ITGAM: variants seen among roughly 807,000 people sequenced by gnomAD.
The protein encoded by ITGAM is integrin subunit alpha M.
In ITGAM, 79 loss-of-function variants were observed where a neutral mutation model predicts 137.5. The observed-to-expected ratio is 0.57, with a 90% CI of 0.48 to 0.69. ITGAM has a LOEUF of 0.69. ITGAM is among the 30% of genes least tolerant of loss of function. ITGAM has a pLI of 0.00. For synonymous variants in ITGAM, 583 were observed against 592.3 expected (o/e 0.98, Z 0.23); for missense variants, 1,343 against 1,483.5 (o/e 0.91, Z 1.56).
At chr16:31,270,791 A>T (rs2079830686) in intron 5 of ITGAM, among the ~76,000 whole-genome samples, 163 bp from the exon 6 acceptor site, 1 of 140,402 alleles carries the variant, frequency 7.1e-6, no homozygotes, top group Non-Finnish European at 1.5e-5. Context: ...CACGTTAAAA[A>T]TTATATATAT....
At chr16:31,313,016 A>C (rs1034290882) in intron 14 of ITGAM, among the ~76,000 whole-genome samples, 9 of 151,744 alleles carry the variant, frequency 5.9e-5, no homozygotes, top group Admixed American at 5.9e-4. Context: ...TCAGGAGTTC[A>C]AGACCAGCCT....
chr16:31,262,330 C>A (rs1441300977), intron 2 of ITGAM, among the ~76,000 whole-genome samples: 1 of 118,770 alleles, frequency 8.4e-6, no homozygotes, highest in Non-Finnish European at 1.8e-5. Flanking sequence ...TCCCTTCCCT[C>A]CCTTCCATCC....
At chr16:31,296,371 C>T (rs1481121643) in intron 12 of ITGAM, among the ~76,000 whole-genome samples, 2 of 151,928 alleles carry the variant, frequency 1.3e-5, no homozygotes, top group Non-Finnish European at 1.5e-5. Context: ...CCCTGGCCTC[C>T]CAAAATGCTG....
At chr16:31,269,683 C>G (rs1036740648) in intron 5 of ITGAM, among the ~76,000 whole-genome samples, 13 of 152,148 alleles carry the variant, frequency 8.5e-5, no homozygotes, top group African/African-American at 3.1e-4. Context: ...ACTTTCCAAG[C>G]CCTGGGCAAG....
chr16:31,305,704 G>C (rs73534428), intron 14 of ITGAM, among the ~76,000 whole-genome samples: 1 of 152,016 alleles, frequency 6.6e-6, no homozygotes, highest in Non-Finnish European at 1.5e-5. Flanking sequence ...TGCTTGTTCT[G>C]CATCTATTGA....
chr16:31,290,561 G>A (rs910287793), intron 12 of ITGAM, among the ~76,000 whole-genome samples: 3 of 151,952 alleles, frequency 2.0e-5, no homozygotes, highest in Admixed American at 6.6e-5. Context: ...ACTCTCAGCC[G>A]ACTAGGAACT....
Position 31,325,390 on chromosome 16 carries a change from G to C in ITGAM, c.2491G>C (p.Val831Leu), listed in dbSNP as rs772386063. The C allele has an allele frequency of 5.6e-6, 9 of 1,613,300 alleles. No homozygotes were observed. The highest frequency in any genetic ancestry group is 1.1e-5 in the South Asian group (1 of 91,010). Residue 831 changes from valine to leucine, a missense_variant, in exon 20 of 30, where the codon GTG becomes CTG. By Grantham distance (32) the Val-to-Leu change is conservative. Coordinates refer to ENST00000544665, the MANE Select transcript of ITGAM (RefSeq NM_000632.4). Reference protein sequence around the residue: ...FFPLDLSYRKVSTLQNQRSQR... With the variant: ...FFPLDLSYRKLSTLQNQRSQR... ...CCCGCTTGACCTGTCCTACCGGAAG[G>C]TGTCCACGCTCCAGGTAGCCACATC...
intron 12 of ITGAM, among the ~76,000 whole-genome samples, chr16:31,286,172 T>C (rs527884335): frequency 2.0e-5 from 3 of 147,830 alleles, no homozygotes; most frequent in Admixed American, 2.0e-4. Context: ...CCGCAAAGGA[T>C]GTGATTCATT....
chr16:31,271,742 G>A, intron 6 of ITGAM, 105 bp from the exon 7 acceptor site: 2 of 1,384,356 alleles, frequency 1.4e-6, no homozygotes, highest in East Asian at 2.5e-5. Context: ...GCACAGAGGA[G>A]GAATTTGGAG....
chr16:31,306,318 A>G (rs556671456), intron 14 of ITGAM, among the ~76,000 whole-genome samples: 1 of 152,142 alleles, frequency 6.6e-6, no homozygotes, highest in Non-Finnish European at 1.5e-5. Flanking sequence ...AACGATGATA[A>G]TTTAAAACTT....
chr16:31,321,025 T>A (rs953097509), intron 14 of ITGAM, among the ~76,000 whole-genome samples: 13 of 152,086 alleles, frequency 8.5e-5, no homozygotes, highest in East Asian at 1.9e-4. Flanking sequence ...AAAGTTTTTT[T>A]AAAAAAGAAA....
At chr16:31,274,867 G>C (rs1173373310) in intron 8 of ITGAM, among the ~76,000 whole-genome samples, 1 of 152,146 alleles carries the variant, frequency 6.6e-6, no homozygotes, top group Admixed American at 6.5e-5. Flanking sequence ...TGATCTGCCC[G>C]CCTTGGCCTT....
intron 14 of ITGAM, among the ~76,000 whole-genome samples, chr16:31,299,819 CT>C (rs1337831705): frequency 7.3e-6 from 1 of 136,162 alleles, no homozygotes; most frequent in Non-Finnish European, 1.6e-5. Context: ...CCTCCTCCCC[CT>C]CCTCCCCCTC....
At chr16:31,267,203 A>C (rs1199756350) in intron 5 of ITGAM, among the ~76,000 whole-genome samples, 7 of 152,000 alleles carry the variant, frequency 4.6e-5, no homozygotes, top group Non-Finnish European at 8.8e-5. Flanking sequence ...TGGATCTTTC[A>C]AGCTGCTTTT....
chr16:31,330,401 T>TC lies in ITGAM; in HGVS notation c.3155dup (p.Phe1053ValfsTer2). 6.2e-7 allele frequency: 1 copy of TC among 1,613,366 alleles called. No homozygotes were observed. The highest frequency in any genetic ancestry group is 8.5e-7 in the Non-Finnish European group (1 of 1,179,264). On this transcript the variant is annotated frameshift_variant, in exon 27 of 30. Transcript: ENST00000544665. LOFTEE classifies it high-confidence loss of function. ...CAATGCTACCCTCAAAGGCAACCTC[T>TC]CGTTTGACTGGTACATCAAGGTGTG...
In ITGAM at chr16:31,325,374, C is replaced by A; in HGVS notation, c.2475C>A (p.Asp825Glu). The A allele has an allele frequency of 6.2e-7, 1 of 1,613,658 alleles. No individual in the cohort carries two copies. Among genetic ancestry groups the A allele is most frequent in the Non-Finnish European group, 8.5e-7 (1 of 1,179,654 alleles). Residue 825 changes from aspartate (D) to glutamate (E), a missense_variant, in exon 20 of 30, where the codon GAC becomes GAA. Physicochemically the swap from Asp to Glu is conservative, Grantham distance 45. Transcript: ENST00000544665. ...RTQVTFFFPL[D>E]LSYRKVSTLQ... is the part of the protein sequence containing the mutation. ...AGGTCACCTTCTTCTTCCCGCTTGACCTGTCCTACCGGAAGGTGTCCACGC... is the reference window on the plus strand; with the variant it reads ...AGGTCACCTTCTTCTTCCCGCTTGAACTGTCCTACCGGAAGGTGTCCACGC...
chr16:31,311,620 A>T (rs574031406), intron 14 of ITGAM, among the ~76,000 whole-genome samples: 1 of 152,340 alleles, frequency 6.6e-6, no homozygotes, highest in East Asian at 1.9e-4. Flanking sequence ...GCAATCATTA[A>T]AAAGTCAGGA....
In ITGAM at chr16:31,329,891, G is replaced by C; in HGVS notation, c.2962G>C (p.Val988Leu). The C allele has an allele frequency of 1.3e-6, 2 of 1,561,408 alleles. No homozygotes were observed. The highest frequency in any genetic ancestry group is 1.7e-6 in the Non-Finnish European group (2 of 1,152,726). ...NQTVIWDRPQ[V>L]TFSENLSSTC... is the part of the protein sequence containing the mutation. ...GACTGTCATATGGGACCGCCCCCAG[G>C]TCACCTTCTCCGAGGTGAGCGGAGC... The change falls in exon 25 of 30, where the codon GTC becomes CTC. Residue 988 changes from valine to leucine, a missense_variant. Transcript: ENST00000544665.
chr16:31,327,784 T>G (rs2080523831), intron 22 of ITGAM, among the ~76,000 whole-genome samples: 1 of 151,866 alleles, frequency 6.6e-6, no homozygotes, highest in African/African-American at 2.4e-5. Context: ...GAGTTGGTGG[T>G]GGTTAGATAC....
Sources: gnomAD v4.1 joint callset for allele counts (sites outside exome capture counted in the v4.1 genomes callset) on GRCh38, gnomAD v4.1.1 for gene constraint, MANE v1.5 for transcripts, NCBI Gene and HGNC (gene_info 2026-07-23, HGNC 2026-07-21) for gene names.